Variants in NFATC1 observed in about 807,000 individuals in gnomAD.
NFATC1 encodes nuclear factor of activated T-cells, cytoplasmic 1.
NFATC1 carries 22 observed loss-of-function variants against 76.0 expected under a neutral mutation model. That is an observed-to-expected ratio of 0.29 (90% CI 0.21 to 0.41). NFATC1 has a LOEUF of 0.41. Among genes scored for constraint, NFATC1 ranks in the 10% least tolerant of loss-of-function variants. The probability of loss-of-function intolerance (pLI) is 1.00; values close to 1 mark genes in which losing one functional copy is unlikely to be tolerated. For missense variants in NFATC1, 1,357 were observed against 1,337.7 expected (o/e 1.01, Z -0.23); for synonymous variants, 704 against 613.1 (o/e 1.15, Z -2.19).
At chr18:79,437,800 T>A (rs1355381158) in intron 3 of NFATC1, among the ~76,000 whole-genome samples, 5 of 151,864 alleles carry the variant, frequency 3.3e-5, no homozygotes, top group Admixed American at 2.6e-4. Context: ...GAACCAGGAG[T>A]TCGCGAGTGC....
At chr18:79,473,446 G>A (rs1252882914) in intron 8 of NFATC1, among the ~76,000 whole-genome samples, 1 of 152,128 alleles carries the variant, frequency 6.6e-6, no homozygotes, top group Admixed American at 6.5e-5. Context: ...AGGGAAGCGT[G>A]TTCTCAGCTC....
Position 79,445,682 on chromosome 18 carries a change from G to A in NFATC1, c.1387-3100G>A, listed in dbSNP as rs372622620. ...AATTTGAAAAATGCAGATTTTACTC[G>A]TAGGCCCTAAATGGATAATTTCCCT... On this transcript the variant is annotated intron_variant, in intron 3 of 9. Transcript: ENST00000427363. 4.6e-5 allele frequency among the ~76,000 whole-genome samples: 7 copies of A among 152,216 alleles called. No homozygotes were observed. The East Asian group carries it at 7.7e-4, about 17-fold the overall frequency.
At chr18:79,458,326 T>C (rs563386315) in intron 6 of NFATC1, among the ~76,000 whole-genome samples, 23,382 of 149,304 alleles carry the variant, frequency 0.16, 2,728 homozygotes, top group African/African-American at 0.35. Context: ...GGCACGAGGA[T>C]GCTTTGGGGA....
intron 2 of NFATC1, among the ~76,000 whole-genome samples, chr18:79,425,206 C>CTGT (rs1568944792): frequency 0.021 from 1,857 of 86,942 alleles, 49 homozygotes; most frequent in African/African-American, 0.03. Context: ...TGTTTCTCTC[C>CTGT]CTGTCTCTGT....
At chr18:79,417,226 G>C (rs1600644088) in intron 2 of NFATC1, among the ~76,000 whole-genome samples, 1 of 127,466 alleles carries the variant, frequency 7.8e-6, no homozygotes, top group African/African-American at 3.0e-5. Flanking sequence ...GATGGGAGAT[G>C]GGCTGTGGTG....
chr18:79,439,864 G>A (rs528271010), intron 3 of NFATC1, among the ~76,000 whole-genome samples: 9 of 152,332 alleles, frequency 5.9e-5, no homozygotes, highest in Admixed American at 1.3e-4. Context: ...GGGCAGATTC[G>A]CTGTGTCAGG....
In NFATC1 at chr18:79,504,401, G is replaced by A. The variant is rs2090079029; in HGVS notation, c.2782+17464G>A. On this transcript the variant is annotated intron_variant, in intron 9 of 9. Transcript: ENST00000427363. ...AGGGAATAGGGAGGCCTGAGCCCAG[G>A]GAGAGAGATAGAGAATGGCTGGTCA... Among the ~76,000 whole-genome samples the A allele has an allele frequency of 3.9e-5, 6 of 152,318 alleles. No homozygotes were observed. In the South Asian group the frequency reaches 1.2e-3, roughly 32 times the overall value.
rs1279943530 is a variant in NFATC1, at chr18:79,448,997, G to A, written c.1589+13G>A. ...GCATGCGAGCCGTGTAAGCCGCGGG[G>A]GACCTCCGGCCTCTGGCAGGGGGCG... On this transcript the variant is annotated intron_variant, in intron 4 of 9. Coordinates refer to ENST00000427363, the MANE Select transcript of NFATC1 (RefSeq NM_001278669.2). 6.2e-7 allele frequency: 1 copy of A among 1,612,120 alleles called. No homozygotes were observed. The highest frequency in any genetic ancestry group is 1.1e-5 in the South Asian group (1 of 91,030).
At position 79,451,084 on chromosome 18, in the gene NFATC1, C is replaced by T. The variant is rs371130873; in HGVS notation, c.1720C>T (p.Arg574Cys). ...CGTTCACGTCCCGCAACCCAGCGGCCGCACGCTGTCCCTGCAGGTGGCCTC... is the reference window on the plus strand; with the variant it reads ...CGTTCACGTCCCGCAACCCAGCGGCTGCACGCTGTCCCTGCAGGTGGCCTC... ...FRVHVPQPSGRTLSLQVASNP... is the reference protein window; with the variant it reads ...FRVHVPQPSGCTLSLQVASNP... Residue 574 changes from arginine (R) to cysteine (C), a missense_variant, in exon 5 of 10, where the codon CGC (arginine) becomes TGC (cysteine). This residue lies in a region of NFATC1 where 242 missense variants were observed against 329.2 expected (regional missense o/e 0.74). Transcript: ENST00000427363. 13 of 1,613,106 alleles carry T rather than the reference C, an allele frequency of 8.1e-6. No homozygotes were observed. Among genetic ancestry groups the T allele is most frequent in the Admixed American group, 3.3e-5 (2 of 60,034 alleles).
chr18:79,517,948 A>C (rs996127495), intron 9 of NFATC1, among the ~76,000 whole-genome samples: 1 of 152,260 alleles, frequency 6.6e-6, no homozygotes, highest in Admixed American at 6.5e-5. Context: ...CAAGGATTAA[A>C]CAGTGTATTT....
intron 4 of NFATC1, among the ~76,000 whole-genome samples, 193 bp from the exon 5 acceptor site, chr18:79,450,761 T>G (rs981077552): frequency 6.6e-6 from 1 of 152,150 alleles, no homozygotes; most frequent in Non-Finnish European, 1.5e-5. Context: ...AATGTCAGAT[T>G]CTCTCCTGCA....
At chr18:79,397,579 T>C (rs1264632289) in intron 1 of NFATC1, among the ~76,000 whole-genome samples, 1 of 152,254 alleles carries the variant, frequency 6.6e-6, no homozygotes, top group Non-Finnish European at 1.5e-5. Flanking sequence ...TGTTGACATG[T>C]TTAAACCATG....
At chr18:79,467,260 G>A (rs924139146) in intron 7 of NFATC1, among the ~76,000 whole-genome samples, 190 bp from the exon 8 acceptor site, 2 of 148,708 alleles carry the variant, frequency 1.3e-5, no homozygotes, top group African/African-American at 5.3e-5. Flanking sequence ...CCAGGTGGCT[G>A]CTTGGGAGTT....
intron 8 of NFATC1, among the ~76,000 whole-genome samples, chr18:79,484,359 G>T (rs2089434284): frequency 6.6e-6 from 1 of 152,088 alleles, no homozygotes; most frequent in African/African-American, 2.4e-5. Context: ...TGCGTCCTGG[G>T]AAGGCCTTGG....
chr18:79,431,218 A>T (rs115330412), intron 2 of NFATC1, among the ~76,000 whole-genome samples: 11 of 152,198 alleles, frequency 7.2e-5, no homozygotes, highest in Non-Finnish European at 1.6e-4. Context: ...GAAGCTTCCA[A>T]TGTCACAAAA....
chr18:79,486,784 C>G lies in NFATC1; in HGVS notation c.2629C>G (p.His877Asp). 6.2e-7 allele frequency: 1 copy of G among 1,609,250 alleles called. No individual in the cohort carries two copies. The highest frequency in any genetic ancestry group is 8.5e-7 in the Non-Finnish European group (1 of 1,178,332). ...ACPPATGRPQ[H>D]LPSTVRRDES... ...CCCGCCCGCCACGGGCCGCCCGCAGCACCTGCCGTCCACGGTCCGCAGGGA... is the reference window on the plus strand; with the variant it reads ...CCCGCCCGCCACGGGCCGCCCGCAGGACCTGCCGTCCACGGTCCGCAGGGA... The change falls in exon 9 of 10, where the codon CAC becomes GAC. Residue 877 changes from histidine to aspartate, a missense_variant. His to Asp is a moderately conservative substitution (Grantham distance 81). Coordinates refer to ENST00000427363, the MANE Select transcript of NFATC1 (RefSeq NM_001278669.2).
intron 6 of NFATC1, 39 bp from the exon 7 acceptor site, chr18:79,461,272 C>T (rs2088064839): frequency 1.2e-6 from 2 of 1,612,552 alleles, no homozygotes; most frequent in Middle Eastern, 1.7e-4. Flanking sequence ...GGCTCCCCAC[C>T]ACACAGAGTC....
At position 79,395,979 on chromosome 18, in the gene NFATC1, G is replaced by A; in HGVS notation, c.-246G>A. 8.7e-6 allele frequency: 2 copies of A among 230,052 alleles called. No individual in the cohort carries two copies. Among genetic ancestry groups the A allele is most frequent in the East Asian group, 9.8e-5 (1 of 10,242 alleles). The allele number at this position is 230,052 out of a possible 1,614,324, so 14.3% of individuals were successfully genotyped here. A position where few individuals can be genotyped will look rare whatever the true frequency, so the allele number is the denominator to read the frequency against. ...CCGAACTCGCCGGCGGAGTCGCCGC[G>A]CCAGATCCCAGCAGCAGGGCGCGGG... On this transcript the variant is annotated 5_prime_UTR_variant, in exon 1 of 10. Transcript: ENST00000427363.
intron 9 of NFATC1, among the ~76,000 whole-genome samples, chr18:79,518,899 G>A (rs139160832): frequency 1.3e-5 from 2 of 152,342 alleles, no homozygotes; most frequent in Non-Finnish European, 2.9e-5. Context: ...CTTGGGCTCC[G>A]ATCCAGGAGG....
Sources: gnomAD v4.1 joint callset for allele counts (sites outside exome capture counted in the v4.1 genomes callset) on GRCh38, gnomAD v4.1.1 for gene constraint, gnomAD v4.1.1 regional missense constraint, MANE v1.5 for transcripts, NCBI Gene and HGNC (gene_info 2026-07-23, HGNC 2026-07-21) for gene names.